ANKRD30BL: variants seen among roughly 807,000 people sequenced by gnomAD.
ANKRD30BL encodes ankyrin repeat domain 30B like, also known as putative ankyrin repeat domain-containing protein 30B-like.
Under a neutral mutation model 18.4 loss-of-function variants are expected in ANKRD30BL, and 20 were observed. The ratio of observed to expected loss-of-function variants is 1.09; its 90% confidence interval spans 0.77 to 1.58. The LOEUF (loss-of-function observed/expected upper bound fraction) is 1.58, where lower values mean the gene tolerates loss of function less well. Among genes scored for constraint, ANKRD30BL ranks in the 40% most tolerant of loss-of-function variants. The pLI is 0.00. For synonymous variants in ANKRD30BL, 72 were observed against 100.9 expected, an observed-to-expected ratio of 0.71 and a Z score of 1.72; for missense variants, 224 against 268.6, an observed-to-expected ratio of 0.83 and a Z score of 1.16.
intron 1 of ANKRD30BL, among the ~76,000 whole-genome samples, chr2:132,183,497 C>T (rs567204513): frequency 6.6e-6 from 1 of 152,116 alleles, no homozygotes; most frequent in East Asian, 1.9e-4. Flanking sequence ...TAAGTAGTAA[C>T]TAAGAGGAGT....
intron 1 of ANKRD30BL, among the ~76,000 whole-genome samples, chr2:132,209,309 G>A (rs529730530): frequency 1.3e-4 from 19 of 150,926 alleles, no homozygotes; most frequent in South Asian, 2.1e-4. Context: ...CAAAGTTGGA[G>A]GGCTTTGGGA....
intron 1 of ANKRD30BL, among the ~76,000 whole-genome samples, chr2:132,202,925 G>A (rs1006632727): frequency 6.6e-6 from 1 of 152,160 alleles, no homozygotes; most frequent in Non-Finnish European, 1.5e-5. Context: ...TTAAAATCTT[G>A]TTTGATTATG....
At chr2:132,249,237 G>A (rs1208631428) in intron 1 of ANKRD30BL, among the ~76,000 whole-genome samples, 2 of 152,102 alleles carry the variant, frequency 1.3e-5, no homozygotes, top group Non-Finnish European at 2.9e-5. Flanking sequence ...AACTCTGTGA[G>A]ATGAGTGCAC....
intron 1 of ANKRD30BL, among the ~76,000 whole-genome samples, chr2:132,250,104 C>T (rs1680611836): frequency 6.6e-6 from 1 of 151,812 alleles, no homozygotes; most frequent in South Asian, 2.1e-4. Context: ...GAGATGAATC[C>T]ACACATCACA....
intron 1 of ANKRD30BL, among the ~76,000 whole-genome samples, chr2:132,205,621 GA>G (rs1178885741): frequency 2.1e-5 from 3 of 144,230 alleles, no homozygotes; most frequent in Non-Finnish European, 4.6e-5. Flanking sequence ...AAAGAAAAAA[GA>G]AAAAAAGAAA....
intron 4 of ANKRD30BL, 93 bp downstream of exon 4, chr2:132,154,569 T>G (rs4599170): frequency 0.14 from 73,909 of 521,236 alleles, 6,896 homozygotes; most frequent in African/African-American, 0.3. Context: ...TCTAATAATT[T>G]TAAGTAAATG....
intron 1 of ANKRD30BL, among the ~76,000 whole-genome samples, chr2:132,166,965 T>C (rs1573811450): frequency 1.3e-5 from 2 of 151,996 alleles, no homozygotes; most frequent in Admixed American, 1.3e-4. Context: ...GTATCTCATA[T>C]ATTTTAATAA....
intron 1 of ANKRD30BL, among the ~76,000 whole-genome samples, chr2:132,248,232 C>T (rs111741108): frequency 2.0e-5 from 3 of 151,444 alleles, no homozygotes; most frequent in East Asian, 2.0e-4. Flanking sequence ...ATCACAAAGA[C>T]GTTTCTCAGA....
upstream of ANKRD30BL, among the ~76,000 whole-genome samples, chr2:132,162,852 A>G (rs201895353): frequency 7.4e-4 from 112 of 152,352 alleles, 2 homozygotes; most frequent in East Asian, 0.021. Context: ...GCCTGGGCCC[A>G]GAGGGGAAGA....
At chr2:132,230,830 A>G (rs200296730) in intron 1 of ANKRD30BL, among the ~76,000 whole-genome samples, 5 of 152,134 alleles carry the variant, frequency 3.3e-5, no homozygotes, top group Non-Finnish European at 7.3e-5. Flanking sequence ...CACAAAAACT[A>G]CACAGAAGCA....
intron 3 of ANKRD30BL, chr2:132,155,532 A>G (rs1005904612): frequency 6.6e-6 from 1 of 152,184 alleles, no homozygotes; most frequent in African/African-American, 2.4e-5. Context: ...ATAAACTTTG[A>G]TTGCTTATTA....
chr2:132,155,430 T>C (rs12465055), intron 3 of ANKRD30BL: 52,459 of 152,086 alleles, frequency 0.34, 10,251 homozygotes, highest in Middle Eastern at 0.45. Flanking sequence ...CTTCTATCAA[T>C]GATTCCAAGA....
At chr2:132,221,390 G>A (rs1243949349) in intron 1 of ANKRD30BL, among the ~76,000 whole-genome samples, 27 of 137,464 alleles carry the variant, frequency 2.0e-4, no homozygotes, top group African/African-American at 4.2e-4. Flanking sequence ...CCCCCTGCCC[G>A]GCCAGCCGCC....
At chr2:132,187,531 G>A (rs1010793908) in intron 1 of ANKRD30BL, among the ~76,000 whole-genome samples, 4 of 151,704 alleles carry the variant, frequency 2.6e-5, no homozygotes, top group African/African-American at 9.7e-5. Flanking sequence ...AGCAAGGATG[G>A]TCTCGATCTC....
chr2:132,180,100 T>C (rs1688436537), intron 1 of ANKRD30BL, among the ~76,000 whole-genome samples: 1 of 152,078 alleles, frequency 6.6e-6, no homozygotes, highest in African/African-American at 2.4e-5. Flanking sequence ...ACTGCTAAAG[T>C]CTACAACAGT....
intron 1 of ANKRD30BL, among the ~76,000 whole-genome samples, chr2:132,239,971 C>T (rs532270523): frequency 3.3e-5 from 5 of 150,654 alleles, no homozygotes; most frequent in African/African-American, 9.7e-5. Context: ...TCGTTGGAAA[C>T]GGGAATATCT....
intron 1 of ANKRD30BL, among the ~76,000 whole-genome samples, chr2:132,199,715 T>C (rs1679054470): frequency 6.6e-6 from 1 of 152,140 alleles, no homozygotes; most frequent in African/African-American, 2.4e-5. Context: ...CTTAGGTTAC[T>C]TGTTTATTAG....
At chr2:132,187,184 GTTTGTTTT>G (rs1688578222) in intron 1 of ANKRD30BL, among the ~76,000 whole-genome samples, 1 of 105,352 alleles carries the variant, frequency 9.5e-6, no homozygotes, top group Admixed American at 9.6e-5. Flanking sequence ...TTTTTTTTTT[GTTTGTTTT>G]TTTTTTTTTT....
intron 1 of ANKRD30BL, among the ~76,000 whole-genome samples, chr2:132,187,154 C>T (rs1573824940): frequency 2.1e-5 from 3 of 144,714 alleles, no homozygotes; most frequent in African/African-American, 7.7e-5. Flanking sequence ...TCTAATCATG[C>T]ATCGTAGGAA....
Sources: allele counts gnomAD v4.1 joint callset (sites outside exome capture counted in the v4.1 genomes callset), GRCh38; gene constraint gnomAD v4.1.1; transcripts MANE v1.5; gene names NCBI Gene and HGNC (gene_info 2026-07-23, HGNC 2026-07-21).